Variants in CHN1 observed in about 807,000 individuals in gnomAD.
The protein encoded by CHN1 is N-chimaerin.
CHN1 carries 37 observed loss-of-function variants against 59.5 expected under a neutral mutation model. That is an observed-to-expected ratio of 0.62 (90% CI 0.48 to 0.82). The LOEUF (loss-of-function observed/expected upper bound fraction) is 0.82. Among genes scored for constraint, CHN1 ranks in the 40% least tolerant of loss-of-function variants. The probability of loss-of-function intolerance (pLI) is 0.00; values close to 1 mark genes in which losing one functional copy is unlikely to be tolerated. For missense variants in CHN1, 469 were observed against 571.0 expected (o/e 0.82, Z 1.82); for synonymous variants, 206 against 200.4 (o/e 1.03, Z -0.24).
intron 1 of CHN1, among the ~76,000 whole-genome samples, chr2:174,974,179 T>A (rs1227122454): frequency 6.6e-6 from 1 of 152,208 alleles, no homozygotes; most frequent in Non-Finnish European, 1.5e-5. Flanking sequence ...CGGTTTGTTT[T>A]AAAATATTCA....
chr2:174,947,311 T>G (rs1689869357), intron 2 of CHN1, among the ~76,000 whole-genome samples: 1 of 152,164 alleles, frequency 6.6e-6, no homozygotes, highest in Admixed American at 6.5e-5. Context: ...TATATAGTAT[T>G]TTCTTAACAT....
chr2:174,862,385 T>C (rs996579619), intron 6 of CHN1, among the ~76,000 whole-genome samples: 3 of 151,138 alleles, frequency 2.0e-5, no homozygotes, highest in African/African-American at 4.9e-5. Flanking sequence ...CAGGCTGGAG[T>C]ACAGTGGCGC....
chr2:174,837,678 A>T (rs2105421073), intron 7 of CHN1, among the ~76,000 whole-genome samples: 1 of 152,324 alleles, frequency 6.6e-6, no homozygotes, highest in East Asian at 1.9e-4. Flanking sequence ...AGATAATTTA[A>T]GAAGAGGGAT....
At chr2:174,891,367 C>T (rs1271141278) in intron 5 of CHN1, among the ~76,000 whole-genome samples, 2 of 151,228 alleles carry the variant, frequency 1.3e-5, no homozygotes, top group African/African-American at 4.9e-5. Context: ...GTCCGGAGTT[C>T]AAGACCAGCC....
At chr2:174,911,334 T>C (rs953063295) in intron 5 of CHN1, among the ~76,000 whole-genome samples, 7 of 152,220 alleles carry the variant, frequency 4.6e-5, no homozygotes, top group Non-Finnish European at 7.3e-5. Flanking sequence ...CTACAACGAA[T>C]ACAAATGTTG....
At chr2:174,851,526 C>T (rs1352928302) in intron 6 of CHN1, among the ~76,000 whole-genome samples, 1 of 152,196 alleles carries the variant, frequency 6.6e-6, no homozygotes, top group Non-Finnish European at 1.5e-5. Context: ...AAGTGATTCA[C>T]TGGCCTCAGC....
chr2:174,971,703 C>T (rs185123370), intron 1 of CHN1, among the ~76,000 whole-genome samples: 55 of 152,298 alleles, frequency 3.6e-4, no homozygotes, highest in Admixed American at 1.6e-3. Context: ...GGGATCAAGG[C>T]ACCTATTTAA....
chr2:174,834,851 C>A (rs1196826646), intron 7 of CHN1, among the ~76,000 whole-genome samples: 1 of 152,128 alleles, frequency 6.6e-6, no homozygotes, highest in Non-Finnish European at 1.5e-5. Context: ...TGTGAGTATG[C>A]ACATTTAAGA....
At chr2:174,848,738 T>TCA (rs1433884850) in intron 6 of CHN1, among the ~76,000 whole-genome samples, 1 of 152,190 alleles carries the variant, frequency 6.6e-6, no homozygotes, top group Non-Finnish European at 1.5e-5. Context: ...TTTGTTTACT[T>TCA]CAGTCTTTAG....
chr2:174,802,853 C>A (rs1187969226), intron 11 of CHN1, among the ~76,000 whole-genome samples: 1 of 152,082 alleles, frequency 6.6e-6, no homozygotes, highest in Non-Finnish European at 1.5e-5. Flanking sequence ...GCCTGGCCAA[C>A]ATGGTGAAAC....
At chr2:174,981,860 T>C (rs1260890133) in intron 1 of CHN1, among the ~76,000 whole-genome samples, 8 of 152,194 alleles carry the variant, frequency 5.3e-5, no homozygotes. Context: ...GTTTGTTACA[T>C]ATGTATACAT....
chr2:174,968,074 C>T (rs1690648982), intron 1 of CHN1, among the ~76,000 whole-genome samples: 1 of 152,206 alleles, frequency 6.6e-6, no homozygotes, highest in African/African-American at 2.4e-5. Flanking sequence ...TTCCTTACAT[C>T]CATGTTTTCA....
rs36017800 is a variant in CHN1 at position 174,912,202 on chromosome 2, A to T, written c.260+2856T>A. 2.0e-5 allele frequency among the ~76,000 whole-genome samples: 3 copies of T among 152,220 alleles called. No individual in the cohort carries two copies. In the South Asian group the frequency reaches 6.2e-4, roughly 32 times the overall value. On this transcript the variant is annotated intron_variant, in intron 5 of 12. Coordinates refer to ENST00000409900, the MANE Select transcript of CHN1 (RefSeq NM_001822.7). ...AATTATAAAACTAAAGTTAATTTCA[A>T]AAGCAATTTACATAAAATCCTTACA...
chr2:174,962,155 C>A (rs999517577), intron 1 of CHN1, among the ~76,000 whole-genome samples: 1 of 151,690 alleles, frequency 6.6e-6, no homozygotes, highest in East Asian at 1.9e-4. Flanking sequence ...CGGGGTGGCG[C>A]GCGCCTATAA....
Position 174,899,826 on chromosome 2 carries a change from T to C in CHN1, c.260+15232A>G, listed in dbSNP as rs554698096. 5.3e-5 allele frequency among the ~76,000 whole-genome samples: 8 copies of C among 152,354 alleles called. No individual in the cohort carries two copies. The South Asian group carries it at 1.0e-3, about 20-fold the overall frequency. ...GGGTGGAAAGGTCACCCAGATTGAA[T>C]TGGAACCACTGCTTAGCCATTAGCA... On this transcript the variant is annotated intron_variant, in intron 5 of 12. Coordinates refer to ENST00000409900, the MANE Select transcript of CHN1 (RefSeq NM_001822.7).
At chr2:174,871,717 T>C (rs904469969) in intron 6 of CHN1, among the ~76,000 whole-genome samples, 12 of 152,332 alleles carry the variant, frequency 7.9e-5, no homozygotes, top group Admixed American at 2.6e-4. Context: ...AATATACAGA[T>C]GATAAAGGAA....
intron 7 of CHN1, among the ~76,000 whole-genome samples, chr2:174,839,505 A>T (rs1268978222): frequency 6.6e-6 from 1 of 152,198 alleles, no homozygotes; most frequent in African/African-American, 2.4e-5. Flanking sequence ...CTGCTGTTCA[A>T]TGCATATAAA....
chr2:174,901,253 G>A (rs1039762038), intron 5 of CHN1, among the ~76,000 whole-genome samples: 16 of 152,098 alleles, frequency 1.1e-4, no homozygotes, highest in Non-Finnish European at 1.6e-4. Context: ...CTGTGCTCCC[G>A]GCCACCCTCT....
chr2:174,869,911 A>G (rs1373662263), intron 6 of CHN1, among the ~76,000 whole-genome samples: 1 of 152,176 alleles, frequency 6.6e-6, no homozygotes, highest in African/African-American at 2.4e-5. Context: ...AGAAGGTGCT[A>G]AACAATCTGC....
Sources: gnomAD v4.1 joint callset for allele counts (sites outside exome capture counted in the v4.1 genomes callset) on GRCh38, gnomAD v4.1.1 for gene constraint, MANE v1.5 for transcripts, NCBI Gene and HGNC (gene_info 2026-07-23, HGNC 2026-07-21) for gene names.